Variants in SALL4 observed in about 807,000 individuals in gnomAD.
SALL4 encodes sal-like protein 4.
Under a neutral mutation model 60.8 loss-of-function variants are expected in SALL4, and 4 were observed. The ratio of observed to expected loss-of-function variants is 0.07; its 90% confidence interval spans 0.03 to 0.15. The LOEUF (loss-of-function observed/expected upper bound fraction) is 0.15, where lower values mean the gene tolerates loss of function less well. SALL4 is among the 10% of genes least tolerant of loss of function. The pLI, the probability that SALL4 is intolerant of heterozygous loss-of-function variation, is 1.00. For missense variants in SALL4, 1,178 were observed against 1,394.7 expected (o/e 0.84, Z 2.48); for synonymous variants, 580 against 574.9 (o/e 1.01, Z -0.13).
intron 1 of SALL4, among the ~76,000 whole-genome samples, chr20:51,797,079 T>A (rs1568868774): frequency 1.3e-5 from 2 of 152,044 alleles, no homozygotes; most frequent in African/African-American, 2.4e-5. Flanking sequence ...TTTCTTTCAA[T>A]GATGAATATA....
chr20:51,794,547 A>G (rs1443011477), intron 1 of SALL4, among the ~76,000 whole-genome samples: 2 of 152,164 alleles, frequency 1.3e-5, no homozygotes, highest in Non-Finnish European at 2.9e-5. Flanking sequence ...GCGAAACTCC[A>G]TCTCAAAAAA....
chr20:51,801,479 G>T lies in SALL4; in HGVS notation c.130+800C>A. 1 of 152,382 alleles carries T rather than the reference G, an allele frequency of 6.6e-6. No individual in the cohort carries two copies. The highest frequency in any genetic ancestry group is 1.5e-5 in the Non-Finnish European group (1 of 68,096). 9.4% of individuals were successfully genotyped at this position (152,382 alleles called of 1,614,324 possible). On this transcript the variant is annotated intron_variant, in intron 1 of 3. Coordinates refer to ENST00000217086, the MANE Select transcript of SALL4 (RefSeq NM_020436.5). The surrounding 1 kb of genome is among the most constrained non-coding windows in gnomAD (Gnocchi z 5.2). ...CCGCGCGCCCGCCACCCCGGCCACT[G>T]GGGGCTCGCACCCTCGGGCTTGCCG...
chr20:51,786,089 G>T (rs143815227), intron 3 of SALL4, among the ~76,000 whole-genome samples: 15 of 127,344 alleles, frequency 1.2e-4, no homozygotes, highest in South Asian at 5.2e-4. Flanking sequence ...CCAGCTAATT[G>T]TTTTTTTTTT....
At chr20:51,787,913 C>T (rs1018422) in intron 3 of SALL4, among the ~76,000 whole-genome samples, 49,020 of 151,818 alleles carry the variant, frequency 0.32, 8,314 homozygotes, top group East Asian at 0.58. Context: ...CCTCGACCTC[C>T]CAGGTTCAAG....
In SALL4 at chr20:51,792,745, T is replaced by C. The variant is rs1024297329; in HGVS notation, c.131-393A>G. On this transcript the variant is annotated intron_variant, in intron 1 of 3. Coordinates refer to ENST00000217086, the MANE Select transcript of SALL4 (RefSeq NM_020436.5). ...CTGATCCCTGAATTTCTTTTGTAAC[T>C]GGGGCTTACTTACTTTAGGGTTAGT... 4.8e-6 allele frequency: 5 copies of C among 1,048,192 alleles called. No individual in the cohort carries two copies. The African/African-American group carries it at 6.9e-5, about 14-fold the overall frequency. 64.9% of individuals were successfully genotyped at this position (1,048,192 alleles called of 1,614,324 possible).
At position 51,791,573 on chromosome 20, in the gene SALL4, T is replaced by A. The variant is rs1568865158; in HGVS notation, c.910A>T (p.Ser304Cys). ...GGTGCCAGCCCTGGGGACAGGGAGC[T>A]GGTGGCAGAAGGGATGTTGGCGTGA... The part of the protein sequence containing the change: ...LPHANIPSAT[S>C]SLSPGLAPFT... The change falls in exon 2 of 4, where the codon AGC becomes TGC. Residue 304 changes from serine to cysteine, a missense_variant. By Grantham distance (112) the Ser-to-Cys change is moderately radical (BLOSUM62 -1). Coordinates refer to ENST00000217086, the MANE Select transcript of SALL4 (RefSeq NM_020436.5). The surrounding 1 kb of genome is among the most constrained non-coding windows in gnomAD (Gnocchi z 4.6). The A allele has an allele frequency of 1.2e-6, 2 of 1,613,554 alleles. No individual in the cohort carries two copies. Among genetic ancestry groups the A allele is most frequent in the Non-Finnish European group, 1.7e-6 (2 of 1,180,030 alleles).
intron 1 of SALL4, among the ~76,000 whole-genome samples, chr20:51,799,952 C>G (rs1437625021): frequency 1.3e-5 from 2 of 152,154 alleles, no homozygotes; most frequent in Admixed American, 1.3e-4. Flanking sequence ...ATACATACAT[C>G]TAAGTTAGAT....
rs1258856986 is a variant in SALL4, at chr20:51,801,591, C to T, written c.130+688G>A. 3.9e-5 allele frequency: 6 copies of T among 152,560 alleles called. No individual in the cohort carries two copies. Among genetic ancestry groups the T allele is most frequent in the Admixed American group, 2.6e-4 (4 of 15,286 alleles). The allele number at this position is 152,560 out of a possible 1,614,324, so 9.5% of individuals were successfully genotyped here. A position where few individuals can be genotyped will look rare whatever the true frequency, so the allele number is the denominator to read the frequency against. On this transcript the variant is annotated intron_variant, in intron 1 of 3. Coordinates refer to ENST00000217086, the MANE Select transcript of SALL4 (RefSeq NM_020436.5). This position sits in a 1 kb window ranked among gnomAD's most constrained non-coding sequence, Gnocchi z 5.2. Reference sequence around the variant, plus strand: ...GCGAAGATCGGCAGGCGGCGCAGCCCGGGCAGAAAAGGCGAAATCCAGAAA... The same window carrying T: ...GCGAAGATCGGCAGGCGGCGCAGCCTGGGCAGAAAAGGCGAAATCCAGAAA...
Position 51,784,027 on chromosome 20 carries a change from A to C in SALL4, c.*238T>G. On this transcript the variant is annotated 3_prime_UTR_variant, in exon 4 of 4. Coordinates refer to ENST00000217086, the MANE Select transcript of SALL4 (RefSeq NM_020436.5). ...AGAGCGAGACTCCATCTCAAAAAAA[A>C]AGAGTCTGTATTTGTTTTGGTATGC... 1 of 547,190 alleles carries C rather than the reference A, an allele frequency of 1.8e-6. No individual in the cohort carries two copies. Among genetic ancestry groups the C allele is most frequent in the South Asian group, 2.1e-5 (1 of 48,168 alleles). 33.9% of individuals were successfully genotyped at this position (547,190 alleles called of 1,614,324 possible).
At chr20:51,793,234 C>T (rs1317592666) in intron 1 of SALL4, among the ~76,000 whole-genome samples, 1 of 152,086 alleles carries the variant, frequency 6.6e-6, no homozygotes, top group African/African-American at 2.4e-5. Context: ...TGCAGTGGCT[C>T]GCACCAGTCA....
intron 3 of SALL4, 105 bp from the exon 4 acceptor site, chr20:51,784,789 A>T (rs965333404): frequency 6.3e-5 from 81 of 1,294,484 alleles, no homozygotes; most frequent in Non-Finnish European, 8.6e-5. Context: ...CAGTGTTTTA[A>T]CATATAGATG....
chr20:51,789,786 CAA>C (rs891611153), intron 2 of SALL4, among the ~76,000 whole-genome samples: 3 of 152,098 alleles, frequency 2.0e-5, no homozygotes, highest in African/African-American at 7.2e-5. Context: ...TAAAAACCAA[CAA>C]AAAAGGTATG....
intron 1 of SALL4, among the ~76,000 whole-genome samples, chr20:51,798,953 G>A (rs1033225698): frequency 1.3e-5 from 2 of 152,050 alleles, no homozygotes; most frequent in Non-Finnish European, 2.9e-5. Flanking sequence ...AGGCACCACG[G>A]GCAAAGCCAT....
At chr20:51,786,090 T>C (rs1381879647) in intron 3 of SALL4, among the ~76,000 whole-genome samples, 1 of 7,476 alleles carries the variant, frequency 1.3e-4, no homozygotes, top group Admixed American at 8.4e-4. Context: ...CAGCTAATTG[T>C]TTTTTTTTTT....
intron 1 of SALL4, chr20:51,793,151 C>T (rs544299327): frequency 1.0e-3 from 172 of 170,780 alleles, no homozygotes; most frequent in African/African-American, 4.0e-3. Flanking sequence ...AAACGGGTTG[C>T]GCAACAATAT....
intron 3 of SALL4, among the ~76,000 whole-genome samples, chr20:51,785,825 G>A (rs1026714326): frequency 6.6e-6 from 1 of 150,588 alleles, no homozygotes. Context: ...TGTATTTTTA[G>A]TAGAGACGGG....
At chr20:51,787,652 GCTT>G (rs1262618504) in intron 3 of SALL4, among the ~76,000 whole-genome samples, 5 of 138,742 alleles carry the variant, frequency 3.6e-5, no homozygotes, top group Middle Eastern at 7.8e-3. Flanking sequence ...ATCCTTTTCA[GCTT>G]CTTTTTTTTT....
Position 51,801,540 on chromosome 20 carries a change from T to C in SALL4, c.130+739A>G, listed in dbSNP as rs1373367591. On this transcript the variant is annotated intron_variant, in intron 1 of 3. Coordinates refer to ENST00000217086, the MANE Select transcript of SALL4 (RefSeq NM_020436.5). This position sits in a 1 kb window ranked among gnomAD's most constrained non-coding sequence, Gnocchi z 5.2. ...TAGGAAGTCGGAAATCAAAGATGGC[T>C]GGAGGTCAGGCCCCGAAAGGTTAGG... 6.6e-6 allele frequency: 1 copy of C among 152,294 alleles called. No homozygotes were observed. Among genetic ancestry groups the C allele is most frequent in the African/African-American group, 2.4e-5 (1 of 41,460 alleles). 9.4% of individuals were successfully genotyped at this position (152,294 alleles called of 1,614,324 possible). A position where few individuals can be genotyped will look rare whatever the true frequency, so the allele number is the denominator to read the frequency against.
chr20:51,801,872 G>A lies in SALL4; in HGVS notation c.130+407C>T, dbSNP rs1198323711. 6.6e-6 allele frequency among the ~76,000 whole-genome samples: 1 copy of A among 150,836 alleles called. No homozygotes were observed. Among genetic ancestry groups the A allele is most frequent in the Non-Finnish European group, 1.5e-5 (1 of 67,610 alleles). ...GGTGGAGAGGGTGGGGATCCCCCGG[G>A]GTTCTTTCTTTTGAGAGCGACGCGA... On this transcript the variant is annotated intron_variant, in intron 1 of 3. Coordinates refer to ENST00000217086, the MANE Select transcript of SALL4 (RefSeq NM_020436.5). This position sits in a 1 kb window ranked among gnomAD's most constrained non-coding sequence, Gnocchi z 5.2.
Sources: gnomAD v4.1 joint callset for allele counts (sites outside exome capture counted in the v4.1 genomes callset) on GRCh38, gnomAD v4.1.1 for gene constraint, Gnocchi (gnomAD v3.1) non-coding constraint, MANE v1.5 for transcripts, NCBI Gene and HGNC (gene_info 2026-07-23, HGNC 2026-07-21) for gene names.